Variants in TUSC3 observed in about 807,000 individuals in gnomAD.
TUSC3 encodes dolichyl-diphosphooligosaccharide--protein glycosyltransferase subunit TUSC3.
In TUSC3, 45 loss-of-function variants were observed where a neutral mutation model predicts 44.8. The observed-to-expected ratio is 1.00, with a 90% CI of 0.79 to 1.29. The LOEUF (loss-of-function observed/expected upper bound fraction) is 1.29, where lower values mean the gene tolerates loss of function less well. Among genes scored for constraint, TUSC3 ranks in the 50% most tolerant of loss-of-function variants. The pLI, the probability that TUSC3 is intolerant of heterozygous loss-of-function variation, is 0.00. For missense variants in TUSC3, 519 were observed against 437.9 expected, an observed-to-expected ratio of 1.19 and a Z score of -1.65; for synonymous variants, 212 against 152.9, an observed-to-expected ratio of 1.39 and a Z score of -2.85.
the TUSC3 span, among the ~76,000 whole-genome samples, chr8:15,824,536 C>T: frequency 6.6e-6 from 1 of 151,256 alleles, no homozygotes; most frequent in Non-Finnish European, 1.5e-5. Context: ...CATGTTCTCA[C>T]TCATAGGTGG....
chr8:15,690,820 C>T lies in TUSC3; in HGVS notation c.798+16984C>T, dbSNP rs575000859. ...AGATCAGAGAGTTGTAGGTGTGCAG[C>T]ATTACTTCTGTGCTCCTTATTCTGT... On this transcript the variant is annotated intron_variant, in intron 6 of 10. Transcript: ENST00000503731. Among the ~76,000 whole-genome samples, 4 of 151,834 alleles carry T rather than the reference C, an allele frequency of 2.6e-5. No homozygotes were observed. In the South Asian group the frequency reaches 8.3e-4, roughly 32 times the overall value.
At chr8:15,458,401 G>A (rs75220908) in intron 1 of TUSC3, among the ~76,000 whole-genome samples, 2 of 151,888 alleles carry the variant, frequency 1.3e-5, no homozygotes, top group Non-Finnish European at 2.9e-5. Flanking sequence ...ACCACACTTG[G>A]ATAATTGTTG....
At chr8:15,560,499 G>A (rs1035804432) in intron 1 of TUSC3, among the ~76,000 whole-genome samples, 26 of 150,870 alleles carry the variant, frequency 1.7e-4, no homozygotes, top group African/African-American at 4.4e-4. Flanking sequence ...TGCTCTTCTC[G>A]AGAAGTATCT....
At chr8:15,606,446 C>G (rs1016165954) in intron 1 of TUSC3, among the ~76,000 whole-genome samples, 1 of 151,954 alleles carries the variant, frequency 6.6e-6, no homozygotes, top group Non-Finnish European at 1.5e-5. Flanking sequence ...ACACTTAACA[C>G]GTGATTTTTG....
intron 10 of TUSC3, among the ~76,000 whole-genome samples, chr8:15,761,770 A>C (rs995591642): frequency 2.0e-5 from 3 of 152,178 alleles, no homozygotes; most frequent in Admixed American, 2.0e-4. Context: ...TTCAGTTTTC[A>C]TTATTGACAG....
chr8:15,751,223 G>A (rs1455069941), intron 9 of TUSC3, among the ~76,000 whole-genome samples: 1 of 152,120 alleles, frequency 6.6e-6, no homozygotes, highest in Non-Finnish European at 1.5e-5. Context: ...TTATTGGAGA[G>A]AGATATGGAG....
intron 2 of TUSC3, among the ~76,000 whole-genome samples, chr8:15,500,987 T>C (rs1337239174): frequency 6.6e-6 from 1 of 152,204 alleles, no homozygotes. Context: ...AGTAACTCTT[T>C]CTGTATAGCT....
intron 9 of TUSC3, among the ~76,000 whole-genome samples, chr8:15,756,116 C>G (rs758703540): frequency 6.6e-6 from 1 of 152,122 alleles, no homozygotes; most frequent in African/African-American, 2.4e-5. Flanking sequence ...AAGACCCGAG[C>G]TCAAGGTTGG....
rs148718362 is a variant in TUSC3 at position 15,734,876 on chromosome 8, C to T, written c.862+4147C>T. Among the ~76,000 whole-genome samples, 162 of 152,258 alleles carry T rather than the reference C, an allele frequency of 1.1e-3. 1 individual carries two copies. The highest frequency in any genetic ancestry group is 0.01 in the Middle Eastern group (3 of 294). ...AGATAAATTCATCAAGGCTGGAATA[C>T]AAATTTTGAGGAGATTGGTGAAAGT... is the stretch of plus-strand genomic sequence containing the variant. On this transcript the variant is annotated intron_variant, in intron 7 of 10. Coordinates refer to ENST00000503731, the MANE Select transcript of TUSC3 (RefSeq NM_006765.4).
At chr8:15,789,754 GA>G in the TUSC3 span, among the ~76,000 whole-genome samples, 1 of 152,118 alleles carries the variant, frequency 6.6e-6, no homozygotes, top group Admixed American at 6.5e-5. Flanking sequence ...GCTGCAATAA[GA>G]AACAGGACAG....
chr8:15,791,143 G>A, the TUSC3 span, among the ~76,000 whole-genome samples: 3 of 151,946 alleles, frequency 2.0e-5, no homozygotes, highest in Non-Finnish European at 4.4e-5. Context: ...ATAGTTTATG[G>A]CTGAATTACC....
intron 2 of TUSC3, among the ~76,000 whole-genome samples, chr8:15,497,802 T>C (rs867013926): frequency 2.6e-5 from 4 of 151,936 alleles, no homozygotes; most frequent in Middle Eastern, 6.8e-3. Flanking sequence ...TGGAGTGCAA[T>C]GGTGTGATCT....
intron 1 of TUSC3, among the ~76,000 whole-genome samples, chr8:15,541,113 A>G (rs1204977915): frequency 6.6e-6 from 1 of 152,140 alleles, no homozygotes; most frequent in Non-Finnish European, 1.5e-5. Context: ...ACATATTGAG[A>G]GTGTGTTTTA....
chr8:15,552,017 T>C (rs1027888615), intron 1 of TUSC3, among the ~76,000 whole-genome samples: 5 of 151,836 alleles, frequency 3.3e-5, no homozygotes, highest in African/African-American at 1.2e-4. Context: ...GAGACTTCTT[T>C]GATTTGATGT....
At position 15,588,704 on chromosome 8, in the gene TUSC3, C is replaced by A. The variant is rs185516421; in HGVS notation, c.139-34376C>A. Among the ~76,000 whole-genome samples, 33 of 152,108 alleles carry A rather than the reference C, an allele frequency of 2.2e-4. No homozygotes were observed. The East Asian group carries it at 6.2e-3, about 28-fold the overall frequency. On this transcript the variant is annotated intron_variant, in intron 1 of 10. Coordinates refer to ENST00000503731, the MANE Select transcript of TUSC3 (RefSeq NM_006765.4). ...ATAGTTTTGGGTCTTACACTTAAGT[C>A]ATTATATTTTGAGTTAATTTTTGTA...
intron 2 of TUSC3, among the ~76,000 whole-genome samples, chr8:15,643,645 C>T (rs1806487397): frequency 6.6e-6 from 1 of 152,166 alleles, no homozygotes; most frequent in African/African-American, 2.4e-5. Flanking sequence ...TATCTTACAT[C>T]TAGTGAATTA....
downstream of TUSC3, among the ~76,000 whole-genome samples, chr8:15,767,345 T>C (rs1476200837): frequency 6.6e-6 from 1 of 151,812 alleles, no homozygotes; most frequent in Non-Finnish European, 1.5e-5. Flanking sequence ...TGTGGATACA[T>C]CTATCTATTT....
intron 1 of TUSC3, among the ~76,000 whole-genome samples, chr8:15,462,076 G>A (rs920505882): frequency 1.3e-5 from 2 of 151,914 alleles, no homozygotes; most frequent in African/African-American, 2.4e-5. Context: ...TTCTTTAATG[G>A]ACAAAAATTG....
intron 6 of TUSC3, among the ~76,000 whole-genome samples, chr8:15,676,923 C>G (rs867088131): frequency 6.6e-6 from 1 of 152,262 alleles, no homozygotes; most frequent in Middle Eastern, 3.4e-3. Context: ...ATAGCTAGAG[C>G]TTAGGATCAT....
Sources: gnomAD v4.1 joint callset for allele counts (sites outside exome capture counted in the v4.1 genomes callset) on GRCh38, gnomAD v4.1.1 for gene constraint, MANE v1.5 for transcripts, NCBI Gene and HGNC (gene_info 2026-07-23, HGNC 2026-07-21) for gene names.